The following OSBPL3 variants were observed in gnomAD, a reference collection of about 807,000 sequenced individuals.
OSBPL3 encodes the protein oxysterol-binding protein-related protein 3.
Under a neutral mutation model 120.1 loss-of-function variants are expected in OSBPL3, and 65 were observed. The ratio of observed to expected loss-of-function variants is 0.54; its 90% confidence interval spans 0.44 to 0.67. The LOEUF is 0.67. Ranked by LOEUF, OSBPL3 falls within the 30% of genes least tolerant of loss-of-function variation. The pLI, the probability that OSBPL3 is intolerant of heterozygous loss-of-function variation, is 0.00. For missense variants in OSBPL3, 1,004 were observed against 1,082.1 expected, an observed-to-expected ratio of 0.93 and a Z score of 1.01; for synonymous variants, 416 against 402.6, an observed-to-expected ratio of 1.03 and a Z score of -0.40.
rs758145051 is a variant in OSBPL3 at position 24,852,637 on chromosome 7, A to G, written c.1028-3T>C. On this transcript the variant is annotated splice_polypyrimidine_tract_variant and splice_region_variant and intron_variant, in intron 10 of 22. Coordinates refer to ENST00000313367, the MANE Select transcript of OSBPL3 (RefSeq NM_015550.4). This position sits in a 1 kb window ranked among gnomAD's most constrained non-coding sequence, Gnocchi z 4.1. ...AGCTGACCTTAAAGTGAAGTAAACT[A>G]TAGAGATAGAATCATTATAAAAAGG... 223 of 1,561,944 alleles carry G rather than the reference A, an allele frequency of 1.4e-4. 3 individuals are homozygous for G. In the Admixed American group the frequency reaches 4.6e-3, roughly 32 times the overall value.
rs927643386 is a variant in OSBPL3 at position 24,970,110 on chromosome 7, T to C, written c.-150+9776A>G. On this transcript the variant is annotated intron_variant, in intron 1 of 22. Coordinates refer to ENST00000313367, the MANE Select transcript of OSBPL3 (RefSeq NM_015550.4). ...CCTTTCCCTTCGTCCCTTTCTTTTT[T>C]TTTTTTTTTTTTTTTTTGAGACGGT... Among the ~76,000 whole-genome samples, 42 of 141,396 alleles carry C rather than the reference T, an allele frequency of 3.0e-4. No homozygotes were observed. The East Asian group carries it at 6.1e-3, about 21-fold the overall frequency. 92.8% of individuals were successfully genotyped at this position (141,396 alleles called of 152,430 possible).
At chr7:24,979,596 G>A (rs560915449) in intron 1 of OSBPL3, among the ~76,000 whole-genome samples, 135 of 152,118 alleles carry the variant, frequency 8.9e-4, no homozygotes, top group Admixed American at 1.6e-3. Flanking sequence ...CACCTGCGCC[G>A]CGGCCCCTGC....
Position 24,877,346 on chromosome 7 carries a change from CAG to C in OSBPL3, c.97-5279_97-5278del. ...TTCCCTATACTGTAATCCCACCAAACAGGGAAGGGAAATTAGCCTGTGCATTT... is the reference window on the plus strand; with the variant it reads ...TTCCCTATACTGTAATCCCACCAAACGGAAGGGAAATTAGCCTGTGCATTT... On this transcript the variant is annotated intron_variant, in intron 2 of 22. Transcript: ENST00000313367. The surrounding 1 kb of genome is among the most constrained non-coding windows in gnomAD (Gnocchi z 4.8). Among the ~76,000 whole-genome samples the C allele has an allele frequency of 6.6e-6, 1 of 152,138 alleles. No homozygotes were observed. Among genetic ancestry groups the C allele is most frequent in the East Asian group, 1.9e-4 (1 of 5,196 alleles).
chr7:24,829,861 C>T (rs1796161545), intron 16 of OSBPL3, among the ~76,000 whole-genome samples: 1 of 152,030 alleles, frequency 6.6e-6, no homozygotes, highest in Non-Finnish European at 1.5e-5. Context: ...AACACTCCAC[C>T]ATTATAAACT....
chr7:24,874,758 G>A (rs1162987812), intron 2 of OSBPL3, among the ~76,000 whole-genome samples: 1 of 152,168 alleles, frequency 6.6e-6, no homozygotes, highest in Non-Finnish European at 1.5e-5. Context: ...GGTTGGAAAA[G>A]CCAGGTTTGA....
At chr7:24,909,935 G>C (rs558672312) in intron 1 of OSBPL3, among the ~76,000 whole-genome samples, 1 of 151,724 alleles carries the variant, frequency 6.6e-6, no homozygotes, top group Admixed American at 6.6e-5. Flanking sequence ...CTCATGAGTA[G>C]CTGGGATTAC....
rs1800918670 is a variant in OSBPL3 at position 24,863,723 on chromosome 7, T to C, written c.674-124A>G. 4.6e-6 allele frequency: 3 copies of C among 647,112 alleles called. No individual in the cohort carries two copies. The highest frequency in any genetic ancestry group is 8.1e-6 in the Non-Finnish European group (3 of 370,070). The allele number at this position is 647,112 out of a possible 1,614,324, so 40.1% of individuals were successfully genotyped here. ...TGATTTTTTTTTTCATCTGTAAGGG[T>C]TGGAAATTTTACTTCCTTTTTTACA... On this transcript the variant is annotated intron_variant, in intron 7 of 22. Coordinates refer to ENST00000313367, the MANE Select transcript of OSBPL3 (RefSeq NM_015550.4). The surrounding 1 kb of genome is among the most constrained non-coding windows in gnomAD (Gnocchi z 5.8).
intron 19 of OSBPL3, among the ~76,000 whole-genome samples, chr7:24,811,578 C>T (rs1793803656): frequency 6.6e-6 from 1 of 152,180 alleles, no homozygotes; most frequent in Non-Finnish European, 1.5e-5. Flanking sequence ...AATAACTGCC[C>T]TGACCAACGT....
In OSBPL3 at chr7:24,965,992, T is replaced by G. The variant is rs746950812; in HGVS notation, c.-150+13894A>C. Among the ~76,000 whole-genome samples, 34 of 152,206 alleles carry G rather than the reference T, an allele frequency of 2.2e-4. No homozygotes were observed. The highest frequency in any genetic ancestry group is 4.1e-4 in the Non-Finnish European group (28 of 68,040). On this transcript the variant is annotated intron_variant, in intron 1 of 22. Coordinates refer to ENST00000313367, the MANE Select transcript of OSBPL3 (RefSeq NM_015550.4). This position sits in a 1 kb window ranked among gnomAD's most constrained non-coding sequence, Gnocchi z 4.3. The stretch of plus-strand genomic sequence containing the variant: ...TCCAGCCAGAATGTTGTCTTGCCCT[T>G]GTTTCCTCCAAACCCCCTTCACATC...
At chr7:24,969,814 C>T (rs1816795251) in intron 1 of OSBPL3, among the ~76,000 whole-genome samples, 1 of 152,164 alleles carries the variant, frequency 6.6e-6, no homozygotes, top group African/African-American at 2.4e-5. Context: ...CCTATACTCC[C>T]AGCCTCTGCC....
At chr7:24,850,327 T>C (rs1235664856) in intron 11 of OSBPL3, among the ~76,000 whole-genome samples, 1 of 152,228 alleles carries the variant, frequency 6.6e-6, no homozygotes, top group African/African-American at 2.4e-5. Flanking sequence ...TCTCCAATGG[T>C]CTGTCTGTGG....
chr7:24,844,163 T>C (rs192479711), intron 12 of OSBPL3, among the ~76,000 whole-genome samples: 8 of 152,368 alleles, frequency 5.3e-5, no homozygotes, highest in African/African-American at 1.9e-4. Context: ...AGGACCTCAT[T>C]TGCTAAAATA....
intron 1 of OSBPL3, among the ~76,000 whole-genome samples, chr7:24,903,960 G>GCAACTCA (rs1807461367): frequency 6.7e-6 from 1 of 149,566 alleles, no homozygotes; most frequent in Non-Finnish European, 1.5e-5. Flanking sequence ...TCGGCTCACT[G>GCAACTCA]CAACCTCTGC....
Position 24,798,589 on chromosome 7 carries a change from A to C in OSBPL3, c.*1594T>G, listed in dbSNP as rs1791961632. ...TTGTTTTAAAATGCCAGTCACGTGC[A>C]GATTCCAGAAGGCTACACATCCACT... On this transcript the variant is annotated 3_prime_UTR_variant, in exon 23 of 23. Transcript: ENST00000313367. This position sits in a 1 kb window ranked among gnomAD's most constrained non-coding sequence, Gnocchi z 4.6. The C allele has an allele frequency of 6.6e-6, 1 of 152,260 alleles. No individual in the cohort carries two copies. The allele number at this position is 152,260 out of a possible 1,614,324, so 9.4% of individuals were successfully genotyped here.
In OSBPL3 at chr7:24,967,723, C is replaced by T. The variant is rs2128529358; in HGVS notation, c.-150+12163G>A. On this transcript the variant is annotated intron_variant, in intron 1 of 22. Transcript: ENST00000313367. This position sits in a 1 kb window ranked among gnomAD's most constrained non-coding sequence, Gnocchi z 5.6. ...CTTCCCCAAGGTACTACAGGCTTCCCCCTTTCTCTCCTGGGACCTGCCCCA... is the reference window on the plus strand; with the variant it reads ...CTTCCCCAAGGTACTACAGGCTTCCTCCTTTCTCTCCTGGGACCTGCCCCA... Among the ~76,000 whole-genome samples, 1 of 152,238 alleles carries T rather than the reference C, an allele frequency of 6.6e-6. No individual in the cohort carries two copies. The highest frequency in any genetic ancestry group is 2.1e-4 in the South Asian group (1 of 4,816).
intron 16 of OSBPL3, among the ~76,000 whole-genome samples, chr7:24,825,281 T>C (rs1795574359): frequency 2.0e-5 from 3 of 152,184 alleles, no homozygotes; most frequent in Non-Finnish European, 4.4e-5. Context: ...TGAAAATGGC[T>C]GGCTGTAGAA....
At chr7:24,864,130 A>G (rs1441870780) in intron 7 of OSBPL3, among the ~76,000 whole-genome samples, 1 of 152,140 alleles carries the variant, frequency 6.6e-6, no homozygotes, top group African/African-American at 2.4e-5. Context: ...TCAATCATGG[A>G]CCTGCCTGAG....
chr7:24,879,104 T>C lies in OSBPL3; in HGVS notation c.97-7035A>G, dbSNP rs933933699. ...AAATGGCAAAAACATGGCTGATCTATGAAAGTCTCTGGAGTGCTCCATCAG... is the reference window on the plus strand; with the variant it reads ...AAATGGCAAAAACATGGCTGATCTACGAAAGTCTCTGGAGTGCTCCATCAG... On this transcript the variant is annotated intron_variant, in intron 2 of 22. Transcript: ENST00000313367. The surrounding 1 kb of genome is among the most constrained non-coding windows in gnomAD (Gnocchi z 5.6). Among the ~76,000 whole-genome samples, 1 of 152,158 alleles carries C rather than the reference T, an allele frequency of 6.6e-6. No individual in the cohort carries two copies. The highest frequency in any genetic ancestry group is 2.4e-5 in the African/African-American group (1 of 41,446).
At chr7:24,846,926 G>A (rs1798514207) in intron 12 of OSBPL3, among the ~76,000 whole-genome samples, 1 of 152,240 alleles carries the variant, frequency 6.6e-6, no homozygotes, top group Non-Finnish European at 1.5e-5. Flanking sequence ...AGCTGGGCAT[G>A]GTGGCAGGCG....
Sources: allele counts gnomAD v4.1 joint callset (sites outside exome capture counted in the v4.1 genomes callset), GRCh38; gene constraint gnomAD v4.1.1; non-coding constraint Gnocchi (gnomAD v3.1); transcripts MANE v1.5; gene names NCBI Gene and HGNC (gene_info 2026-07-23, HGNC 2026-07-21).